The following SORCS1 variants were observed in gnomAD, a reference collection of about 807,000 sequenced individuals.
SORCS1 encodes VPS10 domain-containing receptor SorCS1.
A neutral mutation model predicts 146.1 loss-of-function variants in SORCS1; 60 were observed. The observed-to-expected ratio is 0.41, with a 90% CI of 0.33 to 0.51. The LOEUF (loss-of-function observed/expected upper bound fraction) is 0.51, where lower values mean the gene tolerates loss of function less well. Among genes scored for constraint, SORCS1 ranks in the 20% least tolerant of loss-of-function variants. The pLI is 0.21. For missense variants in SORCS1, 1,352 were observed against 1,487.6 expected (o/e 0.91, Z 1.50); for synonymous variants, 637 against 584.0 (o/e 1.09, Z -1.31).
chr10:106,908,600 T>C (rs1190261876), intron 2 of SORCS1, among the ~76,000 whole-genome samples: 1 of 152,228 alleles, frequency 6.6e-6, no homozygotes. Flanking sequence ...ATGTGTCCCC[T>C]GCAAGGCCCA....
chr10:106,859,170 C>T (rs1949910109), intron 2 of SORCS1, among the ~76,000 whole-genome samples: 1 of 152,190 alleles, frequency 6.6e-6, no homozygotes, highest in South Asian at 2.1e-4. Context: ...CAGTTTTCTT[C>T]CCAGGGATGC....
intron 1 of SORCS1, among the ~76,000 whole-genome samples, chr10:106,989,124 G>C (rs1288017870): frequency 6.7e-6 from 1 of 149,844 alleles, no homozygotes; most frequent in Non-Finnish European, 1.5e-5. Context: ...AAAAAAATTA[G>C]CTGGTCGTGG....
chr10:106,978,270 G>C (rs915247269), intron 1 of SORCS1, among the ~76,000 whole-genome samples: 2 of 152,114 alleles, frequency 1.3e-5, no homozygotes, highest in Admixed American at 6.5e-5. Flanking sequence ...TAACCAGCCT[G>C]GTGGGAGATC....
intron 4 of SORCS1, among the ~76,000 whole-genome samples, chr10:106,772,247 G>A (rs1422907180): frequency 6.6e-6 from 1 of 152,032 alleles, no homozygotes; most frequent in African/African-American, 2.4e-5. Flanking sequence ...TGTCTCCCCT[G>A]GCCCTCAGAC....
intron 1 of SORCS1, among the ~76,000 whole-genome samples, chr10:107,148,712 T>A (rs1968532969): frequency 6.6e-6 from 1 of 152,254 alleles, no homozygotes; most frequent in South Asian, 2.1e-4. Context: ...GGTGAGCTTT[T>A]AAGGCAAATA....
At chr10:106,679,869 G>T (rs1852306767) in intron 10 of SORCS1, 135 bp from the exon 11 acceptor site, 2 of 651,824 alleles carry the variant, frequency 3.1e-6, no homozygotes, top group Non-Finnish European at 5.4e-6. Flanking sequence ...ACCACCCATT[G>T]TATCTATACC....
At chr10:107,017,201 G>A (rs1006913332) in intron 1 of SORCS1, among the ~76,000 whole-genome samples, 4 of 152,178 alleles carry the variant, frequency 2.6e-5, no homozygotes, top group Non-Finnish European at 5.9e-5. Context: ...ATGCACAAAT[G>A]TTTGTATCAG....
chr10:106,948,337 T>C (rs550021870), intron 2 of SORCS1, among the ~76,000 whole-genome samples: 1 of 152,146 alleles, frequency 6.6e-6, no homozygotes, highest in East Asian at 1.9e-4. Flanking sequence ...GTAATGAGCA[T>C]ACATTACTTT....
intron 1 of SORCS1, among the ~76,000 whole-genome samples, chr10:107,135,817 T>C (rs1349129090): frequency 6.6e-6 from 1 of 152,250 alleles, no homozygotes. Flanking sequence ...GGTTTATGTT[T>C]CTTTTTTAAA....
intron 1 of SORCS1, among the ~76,000 whole-genome samples, chr10:107,097,606 G>A (rs1336431371): frequency 6.6e-6 from 1 of 152,036 alleles, no homozygotes; most frequent in African/African-American, 2.4e-5. Context: ...TCTCTGCCAG[G>A]CCACACATTA....
At chr10:106,669,254 C>T (rs1177872565) in intron 16 of SORCS1, among the ~76,000 whole-genome samples, 1 of 151,864 alleles carries the variant, frequency 6.6e-6, no homozygotes, top group African/African-American at 2.4e-5. Context: ...ACAACAACAA[C>T]AACAACAACA....
At chr10:106,605,565 C>T (rs1425858846) in intron 23 of SORCS1, among the ~76,000 whole-genome samples, 1 of 152,156 alleles carries the variant, frequency 6.6e-6, no homozygotes, top group East Asian at 1.9e-4. Flanking sequence ...TAGGGATCTG[C>T]TTTCCCTCTG....
At chr10:107,046,016 G>A (rs568461682) in intron 1 of SORCS1, among the ~76,000 whole-genome samples, 30 of 151,674 alleles carry the variant, frequency 2.0e-4, no homozygotes, top group African/African-American at 4.1e-4. Context: ...GTGCGATCTC[G>A]GCTCACTGCA....
At chr10:106,884,389 C>G (rs1950919130) in intron 2 of SORCS1, among the ~76,000 whole-genome samples, 1 of 152,130 alleles carries the variant, frequency 6.6e-6, no homozygotes, top group African/African-American at 2.4e-5. Flanking sequence ...TCTGGGAAAG[C>G]TTTCCCACTC....
intron 4 of SORCS1, among the ~76,000 whole-genome samples, chr10:106,767,520 G>A (rs1021113933): frequency 5.3e-5 from 8 of 151,972 alleles, no homozygotes; most frequent in Admixed American, 2.6e-4. Context: ...ACAGAGTTTC[G>A]CTCTGTTGTT....
intron 1 of SORCS1, among the ~76,000 whole-genome samples, chr10:107,124,362 C>T: frequency 6.6e-6 from 1 of 152,074 alleles, no homozygotes; most frequent in East Asian, 1.9e-4. Flanking sequence ...AGTCTTGTTC[C>T]CTTTGCAACC....
chr10:106,978,047 G>A (rs764836607), intron 1 of SORCS1, among the ~76,000 whole-genome samples: 13 of 152,116 alleles, frequency 8.5e-5, no homozygotes, highest in Non-Finnish European at 1.9e-4. Context: ...GGGTTCAAGC[G>A]ATTCTCCTGC....
intron 3 of SORCS1, among the ~76,000 whole-genome samples, chr10:106,796,916 T>TG (rs1351951915): frequency 2.6e-5 from 4 of 152,290 alleles, no homozygotes; most frequent in South Asian, 2.1e-4. Context: ...GAGACCATCC[T>TG]GCCAACATGG....
intron 4 of SORCS1, among the ~76,000 whole-genome samples, chr10:106,773,057 C>T (rs908208269): frequency 6.6e-6 from 1 of 152,034 alleles, no homozygotes; most frequent in Non-Finnish European, 1.5e-5. Context: ...AAGAGGAGGA[C>T]CCTGTTCATA....
Sources: allele counts gnomAD v4.1 joint callset (sites outside exome capture counted in the v4.1 genomes callset), GRCh38; gene constraint gnomAD v4.1.1; transcripts MANE v1.5; gene names NCBI Gene and HGNC (gene_info 2026-07-23, HGNC 2026-07-21).